NRG3: variants seen among roughly 807,000 people sequenced by gnomAD.
The protein encoded by NRG3 is pro-neuregulin-3, membrane-bound isoform.
A neutral mutation model predicts 66.9 loss-of-function variants in NRG3; 31 were observed. That is an observed-to-expected ratio of 0.46 (90% confidence interval 0.35 to 0.63). NRG3 has a LOEUF of 0.63. NRG3 is among the 20% of genes least tolerant of loss of function. NRG3 has a pLI of 0.00. For missense variants in NRG3, 910 were observed against 878.9 expected (o/e 1.04, Z -0.45); for synonymous variants, 393 against 359.4 (o/e 1.09, Z -1.06).
At chr10:82,257,821 A>T (rs2134168929) in intron 1 of NRG3, among the ~76,000 whole-genome samples, 1 of 152,292 alleles carries the variant, frequency 6.6e-6, no homozygotes, top group South Asian at 2.1e-4. Context: ...AACAAAATAA[A>T]ATCACCATAT....
intron 1 of NRG3, among the ~76,000 whole-genome samples, chr10:82,272,283 A>G (rs931371492): frequency 6.6e-6 from 1 of 152,044 alleles, no homozygotes. Context: ...TCCAACTGGC[A>G]TAAGGACTGA....
At chr10:82,029,747 A>G (rs1402647009) in intron 1 of NRG3, among the ~76,000 whole-genome samples, 1 of 152,118 alleles carries the variant, frequency 6.6e-6, no homozygotes, top group African/African-American at 2.4e-5. Context: ...GGTTCCCAGG[A>G]GCCCTGCAGT....
At chr10:82,262,284 G>A (rs1056338354) in intron 1 of NRG3, among the ~76,000 whole-genome samples, 5 of 152,168 alleles carry the variant, frequency 3.3e-5, no homozygotes, top group Admixed American at 6.5e-5. Flanking sequence ...GGTAGGACAC[G>A]GAGTAGTGAC....
intron 2 of NRG3, among the ~76,000 whole-genome samples, chr10:82,572,224 GCTC>G (rs2045779038): frequency 6.6e-6 from 1 of 151,010 alleles, no homozygotes; most frequent in Non-Finnish European, 1.5e-5. Context: ...ATTTTTTTCA[GCTC>G]CTCGTGTGTT....
chr10:82,875,354 C>A (rs1333968974), intron 4 of NRG3, among the ~76,000 whole-genome samples: 2 of 152,128 alleles, frequency 1.3e-5, no homozygotes, highest in South Asian at 2.1e-4. Context: ...TATGACCACT[C>A]TCTTTCTATT....
chr10:82,542,622 C>T (rs936168211), intron 2 of NRG3, among the ~76,000 whole-genome samples: 6 of 152,148 alleles, frequency 3.9e-5, no homozygotes, highest in African/African-American at 1.4e-4. Flanking sequence ...TCAAAGTGAA[C>T]ATCATAAGTA....
At chr10:82,750,981 A>G (rs888747809) in intron 3 of NRG3, among the ~76,000 whole-genome samples, 1 of 152,154 alleles carries the variant, frequency 6.6e-6, no homozygotes, top group Non-Finnish European at 1.5e-5. Flanking sequence ...AAATCATTGC[A>G]TTAAGCAAAG....
intron 2 of NRG3, among the ~76,000 whole-genome samples, chr10:82,525,012 T>C (rs992857515): frequency 6.6e-6 from 1 of 151,974 alleles, no homozygotes. Flanking sequence ...ATAAGTGATA[T>C]GCAGCAGTGA....
At chr10:82,695,039 A>G (rs574504094) in intron 2 of NRG3, among the ~76,000 whole-genome samples, 1 of 152,290 alleles carries the variant, frequency 6.6e-6, no homozygotes, top group East Asian at 1.9e-4. Flanking sequence ...ATTTTATAAA[A>G]TAGAATATTG....
chr10:82,634,759 TCAC>T (rs2050071654), intron 2 of NRG3, among the ~76,000 whole-genome samples: 1 of 152,216 alleles, frequency 6.6e-6, no homozygotes, highest in Non-Finnish European at 1.5e-5. Context: ...CACATGTTAT[TCAC>T]CACATCATTA....
intron 2 of NRG3, among the ~76,000 whole-genome samples, chr10:82,559,477 T>G (rs1053797025): frequency 6.6e-6 from 1 of 152,152 alleles, no homozygotes; most frequent in Non-Finnish European, 1.5e-5. Context: ...TGGGCCTCTA[T>G]TATGAGCCAT....
At chr10:82,081,380 T>C (rs888310088) in intron 1 of NRG3, among the ~76,000 whole-genome samples, 2 of 152,190 alleles carry the variant, frequency 1.3e-5, no homozygotes, top group African/African-American at 4.8e-5. Flanking sequence ...TCCTTTTTTT[T>C]TTCCAGTTAC....
chr10:82,888,539 A>G (rs1342784114), intron 4 of NRG3, among the ~76,000 whole-genome samples: 1 of 152,148 alleles, frequency 6.6e-6, no homozygotes, highest in East Asian at 1.9e-4. Context: ...AGATAGCATG[A>G]TACATCTTGG....
intron 4 of NRG3, among the ~76,000 whole-genome samples, chr10:82,891,150 T>C (rs1468404847): frequency 6.6e-6 from 1 of 151,734 alleles, no homozygotes; most frequent in Non-Finnish European, 1.5e-5. Context: ...CTCTAGTTAT[T>C]TTTAAAAAGA....
At chr10:82,291,265 G>T (rs1202414554) in intron 1 of NRG3, among the ~76,000 whole-genome samples, 1 of 152,066 alleles carries the variant, frequency 6.6e-6, no homozygotes, top group African/African-American at 2.4e-5. Flanking sequence ...CAGAGGAAAA[G>T]ACGTGATTAG....
At chr10:82,746,517 A>G (rs2058652349) in intron 3 of NRG3, among the ~76,000 whole-genome samples, 1 of 152,148 alleles carries the variant, frequency 6.6e-6, no homozygotes, top group South Asian at 2.1e-4. Flanking sequence ...CTGGGCATTC[A>G]GGAGCCTCTG....
chr10:82,625,709 T>G (rs1263899762), intron 2 of NRG3, among the ~76,000 whole-genome samples: 3 of 152,152 alleles, frequency 2.0e-5, no homozygotes, highest in Non-Finnish European at 2.9e-5. Flanking sequence ...CAATCTTATC[T>G]GAGTTGGTGG....
intron 1 of NRG3, among the ~76,000 whole-genome samples, chr10:82,080,632 A>G (rs980222015): frequency 1.3e-5 from 2 of 152,126 alleles, no homozygotes; most frequent in Non-Finnish European, 2.9e-5. Flanking sequence ...GGAAGCTACC[A>G]TATTTAATAC....
Position 82,941,995 on chromosome 10 carries a change from T to TTGTGTGTGTGTG in NRG3, c.1055-9455_1055-9444dup, listed in dbSNP as rs3075660. Reference sequence around the variant, plus strand: ...TTGCTTACTTATATGACATATAGGTTTGTGTGTGTGTGTGTGTGTGTGTGT... The same window carrying TTGTGTGTGTGTG: ...TTGCTTACTTATATGACATATAGGTTTGTGTGTGTGTGTGTGTGTGTGTGTGTGTGTGTGTGT... On this transcript the variant is annotated intron_variant, in intron 4 of 8. Coordinates refer to ENST00000372141, the MANE Select transcript of NRG3 (RefSeq NM_001010848.4). 4.0e-3 allele frequency among the ~76,000 whole-genome samples: 601 copies of TTGTGTGTGTGTG among 148,454 alleles called. 4 individuals carry two copies. The highest frequency in any genetic ancestry group is 0.014 in the African/African-American group (582 of 40,218).
Sources: gnomAD v4.1 joint callset for allele counts (sites outside exome capture counted in the v4.1 genomes callset) on GRCh38, gnomAD v4.1.1 for gene constraint, MANE v1.5 for transcripts, NCBI Gene and HGNC (gene_info 2026-07-23, HGNC 2026-07-21) for gene names.